TDRP: variants seen among roughly 807,000 people sequenced by gnomAD.
The protein encoded by TDRP is testis development-related protein.
In TDRP, 12 loss-of-function variants were observed where a neutral mutation model predicts 10.5. The ratio of observed to expected loss-of-function variants is 1.15; its 90% CI spans 0.73 to 1.86. The LOEUF (loss-of-function observed/expected upper bound fraction) is 1.86, where lower values mean the gene tolerates loss of function less well. Ranked by LOEUF, TDRP falls within the 40% of genes most tolerant of loss-of-function variation. TDRP has a pLI of 0.00. For missense variants in TDRP, 353 were observed against 229.2 expected, an observed-to-expected ratio of 1.54 and a Z score of -3.49; for synonymous variants, 139 against 95.4, an observed-to-expected ratio of 1.46 and a Z score of -2.67.
chr8:521,393 G>A (rs985814335), intron 1 of TDRP, among the ~76,000 whole-genome samples: 2 of 101,258 alleles, frequency 2.0e-5, no homozygotes, highest in South Asian at 7.0e-4. Context: ...CTCCAGCCTG[G>A]GCAAGAGAGA....
chr8:505,026 A>G (rs1440667011), intron 1 of TDRP, among the ~76,000 whole-genome samples: 2 of 152,252 alleles, frequency 1.3e-5, no homozygotes, highest in Non-Finnish European at 1.5e-5. Context: ...TATTTCATAC[A>G]TGATGACTTC....
intron 1 of TDRP, among the ~76,000 whole-genome samples, chr8:497,097 C>T (rs995280819): frequency 2.6e-5 from 4 of 152,154 alleles, no homozygotes; most frequent in African/African-American, 9.7e-5. Context: ...GAGTGCGGTA[C>T]TGCTATAAAG....
At chr8:502,139 A>T (rs1801321795) in intron 1 of TDRP, among the ~76,000 whole-genome samples, 2 of 152,312 alleles carry the variant, frequency 1.3e-5, no homozygotes, top group South Asian at 2.1e-4. Flanking sequence ...AGTGCCCCCA[A>T]CAGGCTAAGG....
At chr8:520,101 T>A (rs993499170) in intron 1 of TDRP, among the ~76,000 whole-genome samples, 1 of 152,306 alleles carries the variant, frequency 6.6e-6, no homozygotes, top group South Asian at 2.1e-4. Flanking sequence ...TATCCTGTGG[T>A]TGGGGAGAAA....
intron 1 of TDRP, among the ~76,000 whole-genome samples, chr8:521,516 C>A (rs149619142): frequency 2.0e-5 from 3 of 152,134 alleles, no homozygotes; most frequent in Non-Finnish European, 4.4e-5. Context: ...TTGTGTAATC[C>A]AAGCAGCCCT....
In TDRP at chr8:501,829, G is replaced by A. The variant is rs78190814; in HGVS notation, c.109-7232C>T. 8.4e-4 allele frequency among the ~76,000 whole-genome samples: 128 copies of A among 152,316 alleles called. 2 individuals carry two copies. The East Asian group carries it at 0.018, about 22-fold the overall frequency. ...CCGTTATCAACCACAGGGCACTGGC[G>A]TCCCTGCAGTCATGGGCCCAGAAAT... On this transcript the variant is annotated intron_variant, in intron 1 of 2. Coordinates refer to ENST00000324079, the MANE Select transcript of TDRP (RefSeq NM_001384899.1).
intron 1 of TDRP, among the ~76,000 whole-genome samples, chr8:512,276 A>AAC (rs1563122654): frequency 0.014 from 2,051 of 151,272 alleles, 46 homozygotes; most frequent in African/African-American, 0.047. Flanking sequence ...ACAACAACAA[A>AAC]AAAAAAAATG....
chr8:507,962 T>C (rs1231121209), intron 1 of TDRP, among the ~76,000 whole-genome samples: 2 of 152,146 alleles, frequency 1.3e-5, no homozygotes, highest in Non-Finnish European at 2.9e-5. Context: ...CAACAGAAAG[T>C]TTTGAGGCAG....
chr8:501,202 T>G (rs937980976), intron 1 of TDRP, among the ~76,000 whole-genome samples: 4 of 151,302 alleles, frequency 2.6e-5, no homozygotes, highest in Non-Finnish European at 4.4e-5. Context: ...TGAGACTCCA[T>G]CTCAAAAAAA....
At chr8:517,440 C>T (rs1801787205) in intron 1 of TDRP, among the ~76,000 whole-genome samples, 1 of 152,176 alleles carries the variant, frequency 6.6e-6, no homozygotes, top group Non-Finnish European at 1.5e-5. Flanking sequence ...TCTATTCTCT[C>T]TGAAGCCTCT....
intron 1 of TDRP, among the ~76,000 whole-genome samples, chr8:536,094 CTAT>C (rs964730567): frequency 1.3e-5 from 2 of 152,180 alleles, no homozygotes; most frequent in South Asian, 2.1e-4. Flanking sequence ...AAATTTCAAC[CTAT>C]TATTAACATT....
chr8:514,675 C>G (rs1158281228), intron 1 of TDRP, among the ~76,000 whole-genome samples: 1 of 152,224 alleles, frequency 6.6e-6, no homozygotes, highest in Non-Finnish European at 1.5e-5. Flanking sequence ...CCTCTCTCCA[C>G]TACCAGTCAC....
chr8:499,599 G>C (rs1472326748), intron 1 of TDRP, among the ~76,000 whole-genome samples: 1 of 152,224 alleles, frequency 6.6e-6, no homozygotes. Context: ...TGGAGTCCTA[G>C]AAGGTGCACA....
In TDRP at chr8:540,640, T is replaced by C. The variant is rs1802468006; in HGVS notation, c.108+4010A>G. 4.6e-5 allele frequency among the ~76,000 whole-genome samples: 7 copies of C among 152,198 alleles called. No individual in the cohort carries two copies. The South Asian group carries it at 1.5e-3, about 32-fold the overall frequency. On this transcript the variant is annotated intron_variant, in intron 1 of 2. Transcript: ENST00000324079. ...TGTTAATACAAAATAGATGTGTATTTATGACCAAAAAAAAGGGCCCATAGC... is the reference window on the plus strand; with the variant it reads ...TGTTAATACAAAATAGATGTGTATTCATGACCAAAAAAAAGGGCCCATAGC...
At chr8:521,070 C>A (rs1372626717) in intron 1 of TDRP, among the ~76,000 whole-genome samples, 2 of 151,818 alleles carry the variant, frequency 1.3e-5, no homozygotes, top group Admixed American at 6.6e-5. Context: ...TGATTTAGGT[C>A]TTTAATCTAT....
At chr8:520,453 A>T (rs985751470) in intron 1 of TDRP, among the ~76,000 whole-genome samples, 1 of 152,160 alleles carries the variant, frequency 6.6e-6, no homozygotes, top group Admixed American at 6.5e-5. Flanking sequence ...TTTCTTTGGG[A>T]TATATACACA....
At chr8:516,114 A>G (rs115470496) in intron 1 of TDRP, among the ~76,000 whole-genome samples, 4,136 of 152,226 alleles carry the variant, frequency 0.027, 204 homozygotes, top group African/African-American at 0.093. Flanking sequence ...AAAATATATA[A>G]TTTATCCTCA....
At chr8:498,259 G>A (rs1801187892) in intron 1 of TDRP, among the ~76,000 whole-genome samples, 1 of 152,210 alleles carries the variant, frequency 6.6e-6, no homozygotes, top group South Asian at 2.1e-4. Context: ...ATCAAATGGG[G>A]CTGTACCCTG....
intron 1 of TDRP, among the ~76,000 whole-genome samples, chr8:537,653 G>A (rs914585960): frequency 3.3e-5 from 5 of 152,052 alleles, no homozygotes; most frequent in African/African-American, 4.8e-5. Flanking sequence ...AGAATTCACC[G>A]GGGTTTGAGA....
Sources: gnomAD v4.1 joint callset for allele counts (sites outside exome capture counted in the v4.1 genomes callset) on GRCh38, gnomAD v4.1.1 for gene constraint, MANE v1.5 for transcripts, NCBI Gene and HGNC (gene_info 2026-07-23, HGNC 2026-07-21) for gene names.